Variants in LIFR observed in about 807,000 individuals in gnomAD.
LIFR encodes the protein leukemia inhibitory factor receptor.
In LIFR, 84 loss-of-function variants were observed where a neutral mutation model predicts 122.2. The ratio of observed to expected loss-of-function variants is 0.69; its 90% CI spans 0.58 to 0.82. The LOEUF (loss-of-function observed/expected upper bound fraction) is 0.82, where lower values mean the gene tolerates loss of function less well. LIFR is among the 40% of genes least tolerant of loss of function. LIFR has a pLI of 0.00. For synonymous variants in LIFR, 422 were observed against 434.7 expected (o/e 0.97, Z 0.36); for missense variants, 1,294 against 1,311.6 (o/e 0.99, Z 0.21).
intron 4 of LIFR, among the ~76,000 whole-genome samples, chr5:38,526,001 G>C (rs1746657312): frequency 1.3e-5 from 2 of 152,100 alleles, no homozygotes; most frequent in Admixed American, 1.3e-4. Flanking sequence ...TCAAGCTAAA[G>C]ACAGTAATGG....
At chr5:38,511,185 C>G (rs1745781199) in intron 6 of LIFR, among the ~76,000 whole-genome samples, 1 of 152,162 alleles carries the variant, frequency 6.6e-6, no homozygotes, top group Admixed American at 6.6e-5. Flanking sequence ...TGCCCAAGTA[C>G]TCCACACCCT....
At chr5:38,502,845 A>G in intron 10 of LIFR, 46 bp from the exon 11 acceptor site, 2 of 1,097,812 alleles carry the variant, frequency 1.8e-6, no homozygotes, top group Non-Finnish European at 2.6e-6. Flanking sequence ...TATTATGTGT[A>G]TGAATACATA....
At chr5:38,485,455 T>G (rs926951586) in intron 17 of LIFR, 9 of 311,936 alleles carry the variant, frequency 2.9e-5, no homozygotes, top group African/African-American at 1.8e-4. Context: ...ACAAAAAATT[T>G]TTTTAAGAAT....
At chr5:38,504,408 G>T (rs1745343629) in intron 9 of LIFR, among the ~76,000 whole-genome samples, 2 of 54,852 alleles carry the variant, frequency 3.6e-5, no homozygotes, top group Non-Finnish European at 6.7e-5. Flanking sequence ...TTTACTTAGG[G>T]AATGACCAAA....
At chr5:38,484,942 G>T in intron 17 of LIFR, 74 bp from the exon 18 acceptor site, 1 of 1,003,292 alleles carries the variant, frequency 1.0e-6, no homozygotes, top group Non-Finnish European at 1.6e-6. Flanking sequence ...ATGTTAGAAG[G>T]TATTTAGGTT....
chr5:38,496,638 G>T, intron 12 of LIFR, 43 bp from the exon 13 acceptor site: 3 of 1,404,202 alleles, frequency 2.1e-6, no homozygotes, highest in South Asian at 2.3e-5. Flanking sequence ...TGCAAAACGT[G>T]ACTGTGACTA....
intron 1 of LIFR, among the ~76,000 whole-genome samples, chr5:38,540,565 T>C (rs1475124013): frequency 2.0e-5 from 3 of 152,170 alleles, no homozygotes; most frequent in Admixed American, 6.5e-5. Flanking sequence ...CCAGATGAAA[T>C]GACTGGAGCC....
chr5:38,571,070 G>C (rs1273844544), intron 1 of LIFR, among the ~76,000 whole-genome samples: 4 of 152,198 alleles, frequency 2.6e-5, no homozygotes, highest in African/African-American at 9.6e-5. Context: ...TGTAGAATCT[G>C]TGTGTCTCCT....
chr5:38,503,845 T>C (rs1034331212), intron 10 of LIFR, 131 bp downstream of exon 10: 14 of 704,996 alleles, frequency 2.0e-5, no homozygotes, highest in Admixed American at 1.9e-4. Context: ...TGGATAGTAA[T>C]GTCTTTCTTG....
At position 38,477,223 on chromosome 5, in the gene LIFR, T is replaced by TG. The variant is rs1264885147; in HGVS notation, c.*4371dup. 9.1e-6 allele frequency: 2 copies of TG among 220,968 alleles called. No homozygotes were observed. The highest frequency in any genetic ancestry group is 4.5e-5 in the African/African-American group (2 of 44,772). 13.7% of individuals were successfully genotyped at this position (220,968 alleles called of 1,614,324 possible). On this transcript the variant is annotated 3_prime_UTR_variant, in exon 20 of 20. Coordinates refer to ENST00000453190, the MANE Select transcript of LIFR (RefSeq NM_001127671.2). Reference sequence around the variant, plus strand: ...GGGGTTTAAGTATTATTAATAGCCCTGGTACATAATCCATAAAGATAAAAA... The same window carrying TG: ...GGGGTTTAAGTATTATTAATAGCCCTGGGTACATAATCCATAAAGATAAAAA...
At chr5:38,585,859 A>G (rs1749729193) in intron 1 of LIFR, among the ~76,000 whole-genome samples, 1 of 152,098 alleles carries the variant, frequency 6.6e-6, no homozygotes, top group Non-Finnish European at 1.5e-5. Flanking sequence ...CTAGGCTATT[A>G]TAGACTTGGA....
intron 4 of LIFR, 122 bp downstream of exon 4, chr5:38,527,033 G>C: frequency 1.2e-6 from 1 of 846,734 alleles, no homozygotes; most frequent in Non-Finnish European, 1.8e-6. Context: ...TTCATAGGGA[G>C]GTTGCTGAGT....
chr5:38,540,548 G>C (rs1378340345), intron 1 of LIFR, among the ~76,000 whole-genome samples: 1 of 152,030 alleles, frequency 6.6e-6, no homozygotes, highest in East Asian at 1.9e-4. Context: ...CATACTCCAA[G>C]AGCCAGCCAG....
intron 2 of LIFR, among the ~76,000 whole-genome samples, chr5:38,600,832 TC>T (rs1464986231): frequency 6.6e-6 from 1 of 152,172 alleles, no homozygotes; most frequent in Non-Finnish European, 1.5e-5. Flanking sequence ...TCTTTCCTGA[TC>T]ATTTTGGGCC....
rs189329668 is a variant in LIFR at position 38,511,772 on chromosome 5, C to A, written c.736+18G>T. On this transcript the variant is annotated intron_variant, in intron 6 of 19. Coordinates refer to ENST00000453190, the MANE Select transcript of LIFR (RefSeq NM_001127671.2). ...ATTTAATTCATCTGAAACAAACATT[C>A]TTTAAATATAAGCTTACAAGAAATG... The A allele has an allele frequency of 1.1e-3, 1,703 of 1,610,324 alleles. No individual in the cohort carries two copies. Among genetic ancestry groups the A allele is most frequent in the Non-Finnish European group, 1.4e-3 (1,633 of 1,176,686 alleles).
At chr5:38,571,529 CAAAAAAAAA>C (rs11297745) in intron 1 of LIFR, among the ~76,000 whole-genome samples, 3 of 74,684 alleles carry the variant, frequency 4.0e-5, no homozygotes, top group African/African-American at 5.5e-5. Flanking sequence ...CATTCCAGCT[CAAAAAAAAA>C]AAAAAAAAAA....
At chr5:38,498,224 C>T (rs2112438297) in intron 12 of LIFR, among the ~76,000 whole-genome samples, 1 of 152,278 alleles carries the variant, frequency 6.6e-6, no homozygotes, top group South Asian at 2.1e-4. Context: ...ATACTCCAGA[C>T]CACACACTGT....
upstream of LIFR, among the ~76,000 whole-genome samples, chr5:38,595,727 CTTT>C (rs70978897): frequency 1.4e-4 from 13 of 91,968 alleles, no homozygotes; most frequent in African/African-American, 1.2e-4. Context: ...CACAATAGGT[CTTT>C]TTTTTTTTTT....
chr5:38,571,359 C>T (rs1749202958), intron 1 of LIFR, among the ~76,000 whole-genome samples: 1 of 152,022 alleles, frequency 6.6e-6, no homozygotes, highest in Non-Finnish European at 1.5e-5. Context: ...CGAGACCAGC[C>T]TGGCCAATAT....
Sources: allele counts gnomAD v4.1 joint callset (sites outside exome capture counted in the v4.1 genomes callset), GRCh38; gene constraint gnomAD v4.1.1; transcripts MANE v1.5; gene names NCBI Gene and HGNC (gene_info 2026-07-23, HGNC 2026-07-21).